The following CRISPLD2 variants were observed in gnomAD, a reference collection of about 807,000 sequenced individuals.
CRISPLD2 encodes the protein cysteine rich secretory protein LCCL domain containing 2.
CRISPLD2 carries 47 observed loss-of-function variants against 71.1 expected under a neutral mutation model. That is an observed-to-expected ratio of 0.66 (90% CI 0.52 to 0.84). The LOEUF is 0.84. Ranked by LOEUF, CRISPLD2 falls within the 40% of genes least tolerant of loss-of-function variation. The pLI is 0.00. For missense variants in CRISPLD2, 830 were observed against 651.1 expected (o/e 1.27, Z -2.99); for synonymous variants, 317 against 250.1 (o/e 1.27, Z -2.52).
chr16:84,821,249 A>G (rs937213955), intron 1 of CRISPLD2, among the ~76,000 whole-genome samples: 7 of 152,252 alleles, frequency 4.6e-5, no homozygotes, highest in Admixed American at 1.3e-4. Context: ...GGTCCTTTCC[A>G]GTAGACTGAG....
chr16:84,883,643 C>A (rs571955266), intron 13 of CRISPLD2, among the ~76,000 whole-genome samples: 1 of 152,324 alleles, frequency 6.6e-6, no homozygotes, highest in South Asian at 2.1e-4. Context: ...TCCAGAGAAT[C>A]TGCATTCCAA....
chr16:84,904,463 A>C (rs1430570745), intron 14 of CRISPLD2, among the ~76,000 whole-genome samples: 1 of 152,142 alleles, frequency 6.6e-6, no homozygotes, highest in Non-Finnish European at 1.5e-5. Context: ...GTGCACCTGT[A>C]ATCCCAGCTA....
At chr16:84,837,273 G>C (rs1916643953) in intron 1 of CRISPLD2, among the ~76,000 whole-genome samples, 1 of 152,176 alleles carries the variant, frequency 6.6e-6, no homozygotes, top group Non-Finnish European at 1.5e-5. Context: ...AGGGGAGGTA[G>C]TTGGCCCCCA....
intron 1 of CRISPLD2, among the ~76,000 whole-genome samples, chr16:84,837,573 C>A (rs1221651752): frequency 1.5e-5 from 2 of 132,652 alleles, no homozygotes; most frequent in Non-Finnish European, 3.5e-5. Context: ...CGTGACACCA[C>A]GCCCGGGTAA....
chr16:84,868,746 C>A (rs1012537694), intron 7 of CRISPLD2, 105 bp from the exon 8 acceptor site: 1 of 949,656 alleles, frequency 1.1e-6, no homozygotes, highest in Non-Finnish European at 1.7e-6. Flanking sequence ...TAGTATAGCA[C>A]GGATTGGATT....
chr16:84,826,343 C>T (rs1916351532), intron 1 of CRISPLD2, among the ~76,000 whole-genome samples: 1 of 152,246 alleles, frequency 6.6e-6, no homozygotes, highest in Non-Finnish European at 1.5e-5. Context: ...CCCTTTGGCA[C>T]TTTGTGCTGA....
At chr16:84,860,790 T>C (rs545166412) in intron 6 of CRISPLD2, among the ~76,000 whole-genome samples, 5 of 152,328 alleles carry the variant, frequency 3.3e-5, no homozygotes, top group African/African-American at 1.2e-4. Context: ...TGCACCTTCA[T>C]TGCAGGTCAG....
chr16:84,893,439 T>C (rs1487030364), intron 14 of CRISPLD2, among the ~76,000 whole-genome samples: 1 of 152,226 alleles, frequency 6.6e-6, no homozygotes, highest in African/African-American at 2.4e-5. Flanking sequence ...GAATTCATTC[T>C]TTCATCCTTG....
chr16:84,822,261 G>C (rs1242032608), intron 1 of CRISPLD2, among the ~76,000 whole-genome samples: 2 of 152,204 alleles, frequency 1.3e-5, no homozygotes, highest in Non-Finnish European at 2.9e-5. Flanking sequence ...GGTTTGACTG[G>C]GAAGGCCTGA....
At chr16:84,873,237 G>A (rs984712643) in intron 10 of CRISPLD2, 115 bp downstream of exon 10, 4 of 1,224,330 alleles carry the variant, frequency 3.3e-6, no homozygotes, top group South Asian at 3.0e-5. Context: ...CTGCACTTTG[G>A]GAGGCAGAGG....
chr16:84,895,920 G>A (rs2071701779), intron 14 of CRISPLD2, among the ~76,000 whole-genome samples: 1 of 152,126 alleles, frequency 6.6e-6, no homozygotes, highest in African/African-American at 2.4e-5. Flanking sequence ...GAGGCTCAGA[G>A]AAAAGGGTTA....
intron 6 of CRISPLD2, among the ~76,000 whole-genome samples, chr16:84,862,212 CT>C (rs980326319): frequency 1.3e-5 from 2 of 151,650 alleles, no homozygotes; most frequent in South Asian, 4.2e-4. Flanking sequence ...CCTAGTTCAC[CT>C]TTTTTTTGAG....
At chr16:84,866,449 T>C (rs12596197) in intron 6 of CRISPLD2, among the ~76,000 whole-genome samples, 31,514 of 152,122 alleles carry the variant, frequency 0.21, 3,697 homozygotes, top group East Asian at 0.33. Context: ...TTAGCCAGGC[T>C]GGTGTCAAAC....
chr16:84,858,511 A>C (rs1567690432), intron 6 of CRISPLD2, among the ~76,000 whole-genome samples: 1 of 152,214 alleles, frequency 6.6e-6, no homozygotes, highest in East Asian at 1.9e-4. Flanking sequence ...AGTTTCCTGA[A>C]TTTTAGTCAA....
At chr16:84,858,286 A>C (rs1917294381) in intron 6 of CRISPLD2, among the ~76,000 whole-genome samples, 1 of 152,154 alleles carries the variant, frequency 6.6e-6, no homozygotes, top group Non-Finnish European at 1.5e-5. Context: ...ACCCCACTCA[A>C]AACTGGCAGC....
At chr16:84,875,134 C>G (rs990701180) in intron 11 of CRISPLD2, among the ~76,000 whole-genome samples, 1 of 151,972 alleles carries the variant, frequency 6.6e-6, no homozygotes, top group Non-Finnish European at 1.5e-5. Context: ...TCAGCTACTT[C>G]GGAGTCTGAG....
At chr16:84,891,388 C>A (rs2641666) in intron 14 of CRISPLD2, among the ~76,000 whole-genome samples, 58,574 of 151,910 alleles carry the variant, frequency 0.39, 12,033 homozygotes, top group East Asian at 0.66. Context: ...AGATCGTGCC[C>A]ATTCTTCCCG....
chr16:84,867,467 A>G (rs912360598), intron 7 of CRISPLD2, among the ~76,000 whole-genome samples: 2 of 152,218 alleles, frequency 1.3e-5, no homozygotes, highest in South Asian at 4.1e-4. Flanking sequence ...AGTAGGGGAT[A>G]GAGATGCCAC....
chr16:84,880,390 G>A (rs923697386), intron 12 of CRISPLD2, 119 bp from the exon 13 acceptor site: 5 of 704,572 alleles, frequency 7.1e-6, no homozygotes, highest in Non-Finnish European at 1.2e-5. Flanking sequence ...GAGGAAAACT[G>A]TATGGCGGTT....
Sources: gnomAD v4.1 joint callset for allele counts (sites outside exome capture counted in the v4.1 genomes callset) on GRCh38, gnomAD v4.1.1 for gene constraint, MANE v1.5 for transcripts, NCBI Gene and HGNC (gene_info 2026-07-23, HGNC 2026-07-21) for gene names.